PSMA4: variants seen among roughly 807,000 people sequenced by gnomAD.
The protein encoded by PSMA4 is proteasome subunit alpha type-4.
In PSMA4, 8 loss-of-function variants were observed where a neutral mutation model predicts 37.2. That is an observed-to-expected ratio of 0.22 (90% CI 0.13 to 0.39). PSMA4 has a LOEUF of 0.39. Ranked by LOEUF, PSMA4 falls within the 10% of genes least tolerant of loss-of-function variation. The pLI, the probability that PSMA4 is intolerant of heterozygous loss-of-function variation, is 1.00. For missense variants in PSMA4, 169 were observed against 305.1 expected (o/e 0.55, Z 3.32); for synonymous variants, 93 against 98.8 (o/e 0.94, Z 0.35).
intron 4 of PSMA4, among the ~76,000 whole-genome samples, chr15:78,543,268 C>A (rs375159611): frequency 1.3e-5 from 2 of 152,172 alleles, no homozygotes. Context: ...TGCTGATTAT[C>A]AGGGCCTTTT....
intron 8 of PSMA4, 96 bp from the exon 9 acceptor site, chr15:78,548,691 AATG>A: frequency 6.7e-7 from 1 of 1,484,500 alleles, no homozygotes. Context: ...CTAACGTTTC[AATG>A]ATGTGGCGAG....
At chr15:78,547,425 A>G (rs554766958) in intron 8 of PSMA4, among the ~76,000 whole-genome samples, 155 of 152,358 alleles carry the variant, frequency 1.0e-3, no homozygotes, top group African/African-American at 3.5e-3. Flanking sequence ...CCAGAGATAC[A>G]ACATTTGCGT....
rs144382751 is a variant in PSMA4, at chr15:78,542,368, T to C, written c.47-115T>C. 9.8e-5 allele frequency: 138 copies of C among 1,411,058 alleles called. No homozygotes were observed. The East Asian group carries it at 2.9e-3, about 30-fold the overall frequency. 87.4% of individuals were successfully genotyped at this position (1,411,058 alleles called of 1,614,324 possible). On this transcript the variant is annotated intron_variant, in intron 3 of 8. Coordinates refer to ENST00000044462, the MANE Select transcript of PSMA4 (RefSeq NM_002789.6). The stretch of plus-strand genomic sequence containing the variant: ...TATCATCACCAGGTTGATTATACCA[T>C]AGAAGAGTGAAAGTGGAAATTTGTT...
intron 4 of PSMA4, 97 bp downstream of exon 4, chr15:78,542,742 A>G (rs1378403812): frequency 1.7e-6 from 2 of 1,202,092 alleles, no homozygotes; most frequent in Non-Finnish European, 2.3e-6. Flanking sequence ...GCGATGTGGT[A>G]GAATTGAAAT....
intron 6 of PSMA4, 113 bp from the exon 7 acceptor site, chr15:78,545,521 T>C (rs1275135992): frequency 3.2e-6 from 4 of 1,242,578 alleles, no homozygotes; most frequent in East Asian, 2.4e-5. Context: ...CAAAACAGTT[T>C]ATGAATGCTT....
chr15:78,545,811 C>G (rs755342908), intron 7 of PSMA4, 47 bp downstream of exon 7: 100 of 1,596,422 alleles, frequency 6.3e-5, no homozygotes, highest in Non-Finnish European at 8.2e-5. Flanking sequence ...TGTCTAATAA[C>G]TGCCATAATT....
At chr15:78,543,014 A>G (rs951899380) in intron 4 of PSMA4, among the ~76,000 whole-genome samples, 8 of 152,350 alleles carry the variant, frequency 5.3e-5, no homozygotes, top group Non-Finnish European at 1.0e-4. Flanking sequence ...ATGAAATAAA[A>G]TAGTATAGTA....
intron 5 of PSMA4, 134 bp from the exon 6 acceptor site, chr15:78,544,735 T>C: frequency 1.8e-6 from 1 of 546,542 alleles, no homozygotes; most frequent in East Asian, 2.9e-5. Context: ...GATGTTGACT[T>C]GTTCCCTCCC....
chr15:78,550,238 T>G lies in PSMA4; in HGVS notation c.*1294T>G, dbSNP rs1015227551. On this transcript the variant is annotated 3_prime_UTR_variant, in exon 9 of 9. Coordinates refer to ENST00000044462, the MANE Select transcript of PSMA4 (RefSeq NM_002789.6). ...TCAACTGATCAGTACATAACCTGTT[T>G]TTTGTGTATTTCTACTTAAAGACAC... The G allele has an allele frequency of 2.6e-5, 4 of 152,232 alleles. No homozygotes were observed. The highest frequency in any genetic ancestry group is 9.6e-5 in the African/African-American group (4 of 41,452). 9.4% of individuals were successfully genotyped at this position (152,232 alleles called of 1,614,324 possible).
chr15:78,544,117 T>A, intron 4 of PSMA4, 73 bp from the exon 5 acceptor site: 1 of 1,138,454 alleles, frequency 8.8e-7, no homozygotes, highest in Non-Finnish European at 1.3e-6. Flanking sequence ...GAAATTAGAA[T>A]TTTTTAAATA....
intron 4 of PSMA4, 147 bp from the exon 5 acceptor site, chr15:78,544,042 TA>T: frequency 1.7e-6 from 1 of 587,258 alleles, no homozygotes; most frequent in Non-Finnish European, 3.0e-6. Context: ...CCTACAAAGA[TA>T]AAACTTGTAG....
At chr15:78,548,307 A>T (rs2052592463) in intron 8 of PSMA4, among the ~76,000 whole-genome samples, 1 of 152,108 alleles carries the variant, frequency 6.6e-6, no homozygotes, top group Non-Finnish European at 1.5e-5. Flanking sequence ...AGTTTCAAGG[A>T]AGCACTACTC....
At chr15:78,544,423 C>G (rs940258436) in intron 5 of PSMA4, among the ~76,000 whole-genome samples, 156 bp downstream of exon 5, 1 of 151,910 alleles carries the variant, frequency 6.6e-6, no homozygotes, top group Non-Finnish European at 1.5e-5. Context: ...TCAAGCGATT[C>G]TCCTGCCTCA....
intron 5 of PSMA4, 80 bp downstream of exon 5, chr15:78,544,347 ACT>A (rs2052512411): frequency 9.6e-7 from 1 of 1,043,698 alleles, no homozygotes; most frequent in Non-Finnish European, 1.4e-6. Context: ...ACAGAGTCTC[ACT>A]CTGTCACCCA....
In PSMA4 at chr15:78,542,466, C is replaced by T. The variant is rs1417710227; in HGVS notation, c.47-17C>T. ...CACAGAGGAGAGTCTTGGCTTCTCA[C>T]TGCTTTTGTTTTGTAGGTCGCTTAT... On this transcript the variant is annotated splice_polypyrimidine_tract_variant and intron_variant, in intron 3 of 8. Transcript: ENST00000044462. 1 of 1,607,804 alleles carries T rather than the reference C, an allele frequency of 6.2e-7. No homozygotes were observed. The highest frequency in any genetic ancestry group is 8.5e-7 in the Non-Finnish European group (1 of 1,177,638).
At position 78,549,124 on chromosome 15, in the gene PSMA4, A is replaced by G. The variant is rs937992050; in HGVS notation, c.*180A>G. 19 of 981,974 alleles carry G rather than the reference A, an allele frequency of 1.9e-5. No individual in the cohort carries two copies. In the African/African-American group the frequency reaches 2.7e-4, roughly 14 times the overall value. 60.8% of individuals were successfully genotyped at this position (981,974 alleles called of 1,614,324 possible). A position where few individuals can be genotyped will look rare whatever the true frequency, so the allele number is the denominator to read the frequency against. On this transcript the variant is annotated 3_prime_UTR_variant, in exon 9 of 9. Transcript: ENST00000044462. ...ATACTTTATTGTAACGATGATGGTT[A>G]CCCTTCATGGACGTCTTAATCTTCC... is the stretch of plus-strand genomic sequence containing the variant.
chr15:78,543,213 G>A (rs1180984989), intron 4 of PSMA4, among the ~76,000 whole-genome samples: 1 of 152,142 alleles, frequency 6.6e-6, no homozygotes, highest in Non-Finnish European at 1.5e-5. Context: ...AGAGCTGACC[G>A]TGCTAAGTAG....
intron 8 of PSMA4, among the ~76,000 whole-genome samples, chr15:78,547,013 G>A (rs1300795899): frequency 5.9e-5 from 9 of 152,218 alleles, no homozygotes; most frequent in East Asian, 1.9e-4. Context: ...TGATCCTCCC[G>A]CTTCAGCCTC....
chr15:78,545,906 G>C, intron 7 of PSMA4, 142 bp downstream of exon 7: 3 of 935,120 alleles, frequency 3.2e-6, no homozygotes, highest in Non-Finnish European at 4.8e-6. Context: ...ATTTCTGTTG[G>C]TGACAGCATT....
Sources: allele counts gnomAD v4.1 joint callset (sites outside exome capture counted in the v4.1 genomes callset), GRCh38; gene constraint gnomAD v4.1.1; transcripts MANE v1.5; gene names NCBI Gene and HGNC (gene_info 2026-07-23, HGNC 2026-07-21).